Variants in PROX1 observed in about 807,000 individuals in gnomAD.
PROX1 encodes prospero homeobox 1.
PROX1 carries 7 observed loss-of-function variants against 58.8 expected under a neutral mutation model. That is an observed-to-expected ratio of 0.12 (90% confidence interval 0.07 to 0.22). PROX1 has a LOEUF of 0.22. Among genes scored for constraint, PROX1 ranks in the 10% least tolerant of loss-of-function variants. PROX1 has a pLI of 1.00. For missense variants in PROX1, 675 were observed against 927.8 expected, an observed-to-expected ratio of 0.73 and a Z score of 3.54; for synonymous variants, 350 against 358.3, an observed-to-expected ratio of 0.98 and a Z score of 0.26.
chr1:213,998,212 C>T lies in PROX1; in HGVS notation c.1677C>T (p.Cys559=), dbSNP rs755137171. 1.2e-5 allele frequency: 20 copies of T among 1,601,752 alleles called. No homozygotes were observed. Among genetic ancestry groups the T allele is most frequent in the Admixed American group, 1.7e-5 (1 of 57,328 alleles). The change falls in exon 2 of 5, where the codon TGC becomes TGT. Residue 559 remains cysteine, a synonymous_variant. Coordinates refer to ENST00000366958, the MANE Select transcript of PROX1 (RefSeq NM_001270616.2). ...GLSLSLIKSE[C]GDLQDMSEIS... is the part of the protein sequence containing the mutation. ...CCTTGTCGCTCATAAAGTCCGAGTGCGGCGATCTTCAAGATATGTCTGAAA... is the reference window on the plus strand; with the variant it reads ...CCTTGTCGCTCATAAAGTCCGAGTGTGGCGATCTTCAAGATATGTCTGAAA...
chr1:213,998,934 C>T (rs887681570), intron 2 of PROX1, among the ~76,000 whole-genome samples: 4 of 152,078 alleles, frequency 2.6e-5, no homozygotes, highest in African/African-American at 7.2e-5. Flanking sequence ...GTCTCTCTCC[C>T]GTTCACCCAA....
intron 4 of PROX1, among the ~76,000 whole-genome samples, chr1:214,033,773 G>A (rs1482412297): frequency 2.0e-5 from 3 of 152,140 alleles, no homozygotes; most frequent in Non-Finnish European, 4.4e-5. Context: ...GGGTGGAGGT[G>A]ACTGTGCTAG....
upstream of PROX1, among the ~76,000 whole-genome samples, chr1:213,983,566 C>A (rs752807571): frequency 6.6e-6 from 1 of 152,312 alleles, no homozygotes; most frequent in Non-Finnish European, 1.5e-5. Context: ...CCTTGAGTTG[C>A]GGCCCGAGAC....
In PROX1 at chr1:214,011,647, T is replaced by C; in HGVS notation, c.1960T>C (p.Ser654Pro). The C allele has an allele frequency of 1.2e-6, 2 of 1,614,026 alleles. No individual in the cohort carries two copies. Among genetic ancestry groups the C allele is most frequent in the African/African-American group, 1.3e-5 (1 of 75,030 alleles). The change falls in exon 4 of 5, where the codon TCT (serine) becomes CCT (proline). Residue 654 changes from serine (S) to proline (P), a missense_variant. Transcript: ENST00000366958. ...TGGGGTCACCAGTACTGAAGAGCTG[T>C]CTATAACCAGAGACTGTGAGCTGTA... ...NDGVTSTEEL[S>P]ITRDCELYRA... is the part of the protein sequence containing the mutation.
chr1:214,035,990 C>T lies in PROX1; in HGVS notation c.*156C>T. 1.6e-6 allele frequency: 1 copy of T among 620,304 alleles called. No individual in the cohort carries two copies. Among genetic ancestry groups the T allele is most frequent in the African/African-American group, 1.9e-5 (1 of 52,702 alleles). The allele number at this position is 620,304 out of a possible 1,614,324, so 38.4% of individuals were successfully genotyped here. ...TAATTCCTCCTCATCACGTTTCTCTCATTTTCTTTTGTTTTCCATTGCAAG... is the reference window on the plus strand; with the variant it reads ...TAATTCCTCCTCATCACGTTTCTCTTATTTTCTTTTGTTTTCCATTGCAAG... On this transcript the variant is annotated 3_prime_UTR_variant, in exon 5 of 5. Coordinates refer to ENST00000366958, the MANE Select transcript of PROX1 (RefSeq NM_001270616.2).
rs1021452728 is a variant in PROX1 at position 214,025,806 on chromosome 1, C to T, written c.2029-9843C>T. On this transcript the variant is annotated intron_variant, in intron 4 of 4. Coordinates refer to ENST00000366958, the MANE Select transcript of PROX1 (RefSeq NM_001270616.2). ...CCTCCTGAATAGCTGGGATTGCGGGCGCCAGCCACCACGCCCGGCTAATTT... is the reference window on the plus strand; with the variant it reads ...CCTCCTGAATAGCTGGGATTGCGGGTGCCAGCCACCACGCCCGGCTAATTT... 5.9e-5 allele frequency among the ~76,000 whole-genome samples: 9 copies of T among 152,160 alleles called. No individual in the cohort carries two copies. The South Asian group carries it at 1.0e-3, about 18-fold the overall frequency.
At chr1:213,994,429 G>T (rs1176315272) in intron 1 of PROX1, among the ~76,000 whole-genome samples, 2 of 152,030 alleles carry the variant, frequency 1.3e-5, no homozygotes, top group East Asian at 3.9e-4. Flanking sequence ...AGTCTTCCTT[G>T]TAACCGCCCC....
At chr1:214,031,245 T>G (rs1381367083) in intron 4 of PROX1, among the ~76,000 whole-genome samples, 2 of 152,186 alleles carry the variant, frequency 1.3e-5, no homozygotes, top group South Asian at 4.1e-4. Context: ...CCCTTCAAAT[T>G]TATGCATATC....
At chr1:214,008,854 C>G (rs1663811349) in intron 3 of PROX1, among the ~76,000 whole-genome samples, 2 of 152,202 alleles carry the variant, frequency 1.3e-5, no homozygotes, top group African/African-American at 4.8e-5. Context: ...TTAATTCCCT[C>G]ATAATGACAT....
At chr1:214,012,247 C>T (rs1474580257) in intron 4 of PROX1, among the ~76,000 whole-genome samples, 2 of 152,112 alleles carry the variant, frequency 1.3e-5, no homozygotes, top group Non-Finnish European at 2.9e-5. Context: ...CATAAGAGAT[C>T]CATTGACATC....
intron 4 of PROX1, among the ~76,000 whole-genome samples, chr1:214,027,897 C>G (rs1664514526): frequency 6.6e-6 from 1 of 151,066 alleles, no homozygotes; most frequent in Non-Finnish European, 1.5e-5. Context: ...ACTGTTATTG[C>G]CATGTGTTCC....
chr1:214,035,902 G>A lies in PROX1; in HGVS notation c.*68G>A. ...CCCTTTGGATGTCCAAGTTATATGT[G>A]TCTAGATTTTGATTTCATATATATG... On this transcript the variant is annotated 3_prime_UTR_variant, in exon 5 of 5. Transcript: ENST00000366958. 1 of 1,400,558 alleles carries A rather than the reference G, an allele frequency of 7.1e-7. No individual in the cohort carries two copies. The highest frequency in any genetic ancestry group is 9.7e-7 in the Non-Finnish European group (1 of 1,036,070). 86.8% of individuals were successfully genotyped at this position (1,400,558 alleles called of 1,614,324 possible).
At chr1:213,983,474 A>G (rs1393768784), upstream of PROX1, among the ~76,000 whole-genome samples, 1 of 152,182 alleles carries the variant, frequency 6.6e-6, no homozygotes, top group Non-Finnish European at 1.5e-5. Context: ...CGGTGCCCAG[A>G]GGCTTTGCGT....
intron 2 of PROX1, among the ~76,000 whole-genome samples, chr1:214,000,494 C>A (rs989778117): frequency 1.3e-5 from 2 of 152,146 alleles, no homozygotes; most frequent in African/African-American, 4.8e-5. Context: ...TTGGGAAACA[C>A]CCGTGTTCAT....
intron 2 of PROX1, 35 bp downstream of exon 2, chr1:213,998,295 AC>A: frequency 1.3e-6 from 2 of 1,514,380 alleles, no homozygotes; most frequent in Non-Finnish European, 1.8e-6. Flanking sequence ...GAAAAAACAA[AC>A]CAAAAAAGGT....
intron 3 of PROX1, among the ~76,000 whole-genome samples, chr1:214,006,947 C>T (rs1159574493): frequency 6.6e-6 from 1 of 152,176 alleles, no homozygotes; most frequent in African/African-American, 2.4e-5. Flanking sequence ...GTCACTCACC[C>T]ACCACGGAAA....
Position 213,999,991 on chromosome 1 carries a change from T to C in PROX1, c.1725+1731T>C, listed in dbSNP as rs138060826. On this transcript the variant is annotated intron_variant, in intron 2 of 4. Coordinates refer to ENST00000366958, the MANE Select transcript of PROX1 (RefSeq NM_001270616.2). ...GCACCCCAGAGATCTCTTAACTTCA[T>C]TTTGAACCAGGTAGTTGTGATAGTG... Among the ~76,000 whole-genome samples, 124 of 152,204 alleles carry C rather than the reference T, an allele frequency of 8.1e-4. 3 individuals carry two copies. In the East Asian group the frequency reaches 0.02, roughly 25 times the overall value.
At chr1:213,984,731 A>AGTGGTGGCGGTGGTGGTG (rs1662784108), upstream of PROX1, 1 of 153,886 alleles carries the variant, frequency 6.5e-6, no homozygotes, top group African/African-American at 2.4e-5. Context: ...TGATGGTGGT[A>AGTGGTGGCGGTGGTGGTG]GTGGTGGCGG....
intron 4 of PROX1, among the ~76,000 whole-genome samples, chr1:214,023,522 A>G (rs1430270029): frequency 2.0e-5 from 3 of 152,256 alleles, no homozygotes; most frequent in South Asian, 4.1e-4. Context: ...ATGCCCAGCC[A>G]GAATTGGCAG....
Sources: gnomAD v4.1 joint callset for allele counts (sites outside exome capture counted in the v4.1 genomes callset) on GRCh38, gnomAD v4.1.1 for gene constraint, MANE v1.5 for transcripts, NCBI Gene and HGNC (gene_info 2026-07-23, HGNC 2026-07-21) for gene names.